The following ACTR3 variants were observed in gnomAD, a reference collection of about 807,000 sequenced individuals.
ACTR3 encodes actin-related protein 3.
In ACTR3, 12 loss-of-function variants were observed where a neutral mutation model predicts 56.8. That is an observed-to-expected ratio of 0.21 (90% CI 0.14 to 0.34). The LOEUF is 0.34. Ranked by LOEUF, ACTR3 falls within the 10% of genes least tolerant of loss-of-function variation. The probability of loss-of-function intolerance (pLI) is 1.00; values close to 1 mark genes in which losing one functional copy is unlikely to be tolerated. For synonymous variants in ACTR3, 162 were observed against 167.4 expected, an observed-to-expected ratio of 0.97 and a Z score of 0.25; for missense variants, 282 against 512.5, an observed-to-expected ratio of 0.55 and a Z score of 4.34.
At chr2:113,894,787 G>T (rs1039272945) in intron 1 of ACTR3, among the ~76,000 whole-genome samples, 2 of 152,298 alleles carry the variant, frequency 1.3e-5, no homozygotes, top group Middle Eastern at 3.4e-3. Context: ...CAGAATGAGA[G>T]AATTTAAATT....
At chr2:113,953,346 G>T (rs1445991985) in intron 10 of ACTR3, 1 of 152,070 alleles carries the variant, frequency 6.6e-6, no homozygotes, top group East Asian at 1.9e-4. Context: ...CTGGATTTTG[G>T]AGTATTTGCA....
At chr2:113,893,288 TTTTG>T (rs149154098) in intron 1 of ACTR3, among the ~76,000 whole-genome samples, 26,152 of 151,384 alleles carry the variant, frequency 0.17, 4,023 homozygotes, top group African/African-American at 0.39. Flanking sequence ...CTTTTTGTTT[TTTTG>T]TTTGTTTGTT....
intron 1 of ACTR3, among the ~76,000 whole-genome samples, chr2:113,909,396 TG>T: frequency 6.6e-6 from 1 of 152,312 alleles, no homozygotes; most frequent in South Asian, 2.1e-4. Flanking sequence ...TCTGGTAAGC[TG>T]GTTAAATGAA....
chr2:113,938,368 T>C (rs1044720328), intron 6 of ACTR3, among the ~76,000 whole-genome samples: 2 of 152,232 alleles, frequency 1.3e-5, no homozygotes, highest in Admixed American at 6.5e-5. Context: ...TAATTTTTGA[T>C]TTGGCACTCT....
chr2:113,931,284 GTTAT>G lies in ACTR3; in HGVS notation c.337-10_337-7del, dbSNP rs1325769388. ...TAATCTGATATTATCTATTTAAAAT[GTTAT>G]TTATTTCAATAGACTGAACCTCCAT... On this transcript the variant is annotated splice_polypyrimidine_tract_variant and intron_variant, in intron 4 of 11. Transcript: ENST00000263238. 2 of 1,414,490 alleles carry G rather than the reference GTTAT, an allele frequency of 1.4e-6. No homozygotes were observed. Among genetic ancestry groups the G allele is most frequent in the Non-Finnish European group, 1.9e-6 (2 of 1,037,064 alleles). The allele number at this position is 1,414,490 out of a possible 1,614,324, so 87.6% of individuals were successfully genotyped here.
At chr2:113,930,187 TTGG>T (rs1207762672) in intron 4 of ACTR3, among the ~76,000 whole-genome samples, 1 of 152,152 alleles carries the variant, frequency 6.6e-6, no homozygotes, top group East Asian at 1.9e-4. Flanking sequence ...TTTCACTGCC[TTGG>T]TTTTTAGTTT....
intron 3 of ACTR3, among the ~76,000 whole-genome samples, chr2:113,920,974 G>T (rs766812847): frequency 1.3e-5 from 2 of 152,070 alleles, no homozygotes; most frequent in Admixed American, 6.6e-5. Flanking sequence ...TTTCCTTTGG[G>T]TATATACCCA....
intron 6 of ACTR3, among the ~76,000 whole-genome samples, 155 bp from the exon 7 acceptor site, chr2:113,939,804 T>A (rs528252375): frequency 1.8e-4 from 27 of 152,220 alleles, no homozygotes; most frequent in Admixed American, 1.4e-3. Flanking sequence ...TTAGTTATAG[T>A]TTCTGAGGAA....
intron 8 of ACTR3, among the ~76,000 whole-genome samples, chr2:113,947,543 A>G (rs1365704440): frequency 1.3e-5 from 2 of 152,168 alleles, no homozygotes; most frequent in Non-Finnish European, 2.9e-5. Flanking sequence ...AGTTCCAGCT[A>G]CTTGGGAGGC....
chr2:113,922,717 G>A (rs145531227), intron 3 of ACTR3, among the ~76,000 whole-genome samples: 34 of 152,342 alleles, frequency 2.2e-4, no homozygotes, highest in African/African-American at 7.9e-4. Flanking sequence ...AGGGATATAT[G>A]CTGGGTTGGA....
chr2:113,907,672 A>G (rs1447460266), intron 1 of ACTR3, among the ~76,000 whole-genome samples: 3 of 152,170 alleles, frequency 2.0e-5, no homozygotes, highest in Non-Finnish European at 4.4e-5. Flanking sequence ...TGGAAAAGTA[A>G]GGTTAAAAGT....
chr2:113,949,115 C>A (rs998796759), intron 8 of ACTR3, among the ~76,000 whole-genome samples: 2 of 151,400 alleles, frequency 1.3e-5, no homozygotes, highest in Admixed American at 1.3e-4. Context: ...TGGTGGCTCA[C>A]ACCTATAATC....
At chr2:113,953,472 C>T (rs904527022) in intron 10 of ACTR3, 6 of 152,158 alleles carry the variant, frequency 3.9e-5, no homozygotes, top group African/African-American at 1.4e-4. Context: ...GATTTTCAGA[C>T]TTGGGATGCT....
chr2:113,900,668 G>A (rs1379500113), intron 1 of ACTR3, among the ~76,000 whole-genome samples: 1 of 152,178 alleles, frequency 6.6e-6, no homozygotes, highest in Non-Finnish European at 1.5e-5. Context: ...ATGCATTAGG[G>A]ATAGTCTATG....
chr2:113,949,377 CAAAAAAAAAAAAAAAA>C (rs1680079039), intron 8 of ACTR3, among the ~76,000 whole-genome samples: 1 of 57,730 alleles, frequency 1.7e-5, no homozygotes, highest in Non-Finnish European at 3.3e-5. Flanking sequence ...GACTCGGTCT[CAAAAAAAAAAAAAAAA>C]GAAAAAAAAA....
At chr2:113,918,808 T>G (rs1679454679) in intron 3 of ACTR3, among the ~76,000 whole-genome samples, 1 of 152,220 alleles carries the variant, frequency 6.6e-6, no homozygotes, top group Non-Finnish European at 1.5e-5. Context: ...TCAGGCCACA[T>G]AGACAATGAA....
chr2:113,930,843 C>T (rs1162035194), intron 4 of ACTR3, among the ~76,000 whole-genome samples: 3 of 152,160 alleles, frequency 2.0e-5, no homozygotes, highest in African/African-American at 4.8e-5. Flanking sequence ...TGTAGAATCT[C>T]GGCTTGTTTA....
intron 10 of ACTR3, chr2:113,952,078 T>C (rs1680130159): frequency 2.4e-6 from 1 of 416,176 alleles, no homozygotes; most frequent in Admixed American, 3.9e-5. Flanking sequence ...GTGGAAAGAC[T>C]TTTTTTTTAA....
At chr2:113,953,993 A>T (rs1046177284) in intron 10 of ACTR3, 1 of 152,206 alleles carries the variant, frequency 6.6e-6, no homozygotes, top group Non-Finnish European at 1.5e-5. Flanking sequence ...TTCATGAATG[A>T]ATGTGACATT....
Sources: allele counts gnomAD v4.1 joint callset (sites outside exome capture counted in the v4.1 genomes callset), GRCh38; gene constraint gnomAD v4.1.1; transcripts MANE v1.5; gene names NCBI Gene and HGNC (gene_info 2026-07-23, HGNC 2026-07-21).